Variants in CHST12 observed in about 807,000 individuals in gnomAD.
The protein encoded by CHST12 is carbohydrate (chondroitin 4) sulfotransferase 12.
A neutral mutation model predicts 27.9 loss-of-function variants in CHST12; 23 were observed. The ratio of observed to expected loss-of-function variants is 0.82; its 90% CI spans 0.59 to 1.17. The LOEUF (loss-of-function observed/expected upper bound fraction) is 1.17, where lower values mean the gene tolerates loss of function less well. CHST12 is among the 50% of genes most tolerant of loss of function. The pLI is 0.00. For missense variants in CHST12, 682 were observed against 603.0 expected, an observed-to-expected ratio of 1.13 and a Z score of -1.37; for synonymous variants, 322 against 273.0, an observed-to-expected ratio of 1.18 and a Z score of -1.77.
At chr7:2,406,631 A>T (rs1193525046) in intron 1 of CHST12, among the ~76,000 whole-genome samples, 1 of 152,050 alleles carries the variant, frequency 6.6e-6, no homozygotes, top group Non-Finnish European at 1.5e-5. Flanking sequence ...AGACAGGAGG[A>T]TGGATGTGTC....
At chr7:2,420,459 T>C (rs1017426128) in intron 1 of CHST12, among the ~76,000 whole-genome samples, 1 of 152,216 alleles carries the variant, frequency 6.6e-6, no homozygotes, top group Non-Finnish European at 1.5e-5. Context: ...ACCTTTTGGC[T>C]ATTGTGAATG....
chr7:2,414,041 T>G (rs1169259749), intron 1 of CHST12, among the ~76,000 whole-genome samples: 1 of 152,148 alleles, frequency 6.6e-6, no homozygotes, highest in African/African-American at 2.4e-5. Flanking sequence ...TTATCTCATT[T>G]TAATTTGCAT....
At chr7:2,407,906 C>G (rs1781564033) in intron 1 of CHST12, among the ~76,000 whole-genome samples, 1 of 151,948 alleles carries the variant, frequency 6.6e-6, no homozygotes, top group African/African-American at 2.4e-5. Flanking sequence ...CCAGCCTGGG[C>G]AATAGAATGA....
At chr7:2,431,304 A>T (rs1025418216) in intron 1 of CHST12, among the ~76,000 whole-genome samples, 4 of 151,958 alleles carry the variant, frequency 2.6e-5, no homozygotes, top group African/African-American at 7.3e-5. Flanking sequence ...TAAGATAGCC[A>T]CTCCTGCTTT....
chr7:2,408,478 C>T (rs1283036723), intron 1 of CHST12, among the ~76,000 whole-genome samples: 2 of 151,642 alleles, frequency 1.3e-5, no homozygotes, highest in African/African-American at 4.8e-5. Flanking sequence ...TAGGTCATCA[C>T]AGGTCAAGAG....
At chr7:2,403,909 G>A (rs1781451131) in intron 1 of CHST12, among the ~76,000 whole-genome samples, 2 of 152,128 alleles carry the variant, frequency 1.3e-5, no homozygotes, top group Non-Finnish European at 1.5e-5. Context: ...TCCTCGGCCA[G>A]GGGGACCCAG....
intron 1 of CHST12, among the ~76,000 whole-genome samples, chr7:2,430,430 C>T (rs968119612): frequency 2.0e-5 from 3 of 152,286 alleles, no homozygotes; most frequent in African/African-American, 4.8e-5. Flanking sequence ...ATTCTCCTGC[C>T]TCAGTCTCCT....
chr7:2,425,884 A>G (rs113796343), intron 1 of CHST12, among the ~76,000 whole-genome samples: 2 of 151,842 alleles, frequency 1.3e-5, no homozygotes, highest in African/African-American at 4.8e-5. Flanking sequence ...ATCTTTCTGA[A>G]TGCAGATTCT....
rs756975329 is a variant in CHST12, at chr7:2,433,551, C to G, written c.912C>G (p.Ile304Met). 5 of 1,613,422 alleles carry G rather than the reference C, an allele frequency of 3.1e-6. No homozygotes were observed. The highest frequency in any genetic ancestry group is 4.2e-6 in the Non-Finnish European group (5 of 1,179,980). The change falls in exon 2 of 2, where the codon ATC becomes ATG. Residue 304 changes from isoleucine (I) to methionine (M), a missense_variant. Physicochemically the swap from Ile to Met is conservative, Grantham distance 10. Coordinates refer to ENST00000618655, the MANE Select transcript of CHST12 (RefSeq NM_018641.5). The surrounding 1 kb of genome is among the most constrained non-coding windows in gnomAD (Gnocchi z 6.1). ...AGLKVSFANF[I>M]QYLLDPHTEK... Reference sequence around the variant, plus strand: ...TCAAGGTGTCCTTCGCCAACTTCATCCAGTACCTGCTGGACCCGCACACGG... The same window carrying G: ...TCAAGGTGTCCTTCGCCAACTTCATGCAGTACCTGCTGGACCCGCACACGG...
intron 1 of CHST12, among the ~76,000 whole-genome samples, chr7:2,415,925 A>G (rs943575575): frequency 2.0e-5 from 3 of 152,136 alleles, no homozygotes; most frequent in East Asian, 1.9e-4. Flanking sequence ...GCAATTTCTT[A>G]AGACAACAAT....
At position 2,444,576 on chromosome 7, in the gene CHST12, C is replaced by T. The variant is rs1363086689; in HGVS notation, c.*10692C>T. The T allele has an allele frequency of 6.6e-6, 1 of 152,360 alleles. No homozygotes were observed. Among genetic ancestry groups the T allele is most frequent in the Non-Finnish European group, 1.5e-5 (1 of 68,126 alleles). The allele number at this position is 152,360 out of a possible 1,614,324, so 9.4% of individuals were successfully genotyped here. A position where few individuals can be genotyped will look rare whatever the true frequency, so the allele number is the denominator to read the frequency against. ...TCTGTGGCACTGGCCTCAGCCAGCA[C>T]CAAGGCTGAAAGAGCCCATTCAGAG... On this transcript the variant is annotated 3_prime_UTR_variant, in exon 2 of 2. Transcript: ENST00000618655.
rs1054296869 is a variant in CHST12 at position 2,432,730 on chromosome 7, G to A, written c.91G>A (p.Ala31Thr). The A allele has an allele frequency of 4.3e-6, 7 of 1,613,970 alleles. No homozygotes were observed. The highest frequency in any genetic ancestry group is 1.1e-5 in the South Asian group (1 of 91,076). Reference sequence around the variant, plus strand: ...CATCGTGTACTGGGACAGCGCAGGCGCCGCGCACTTCTACTTGCACACGTC... The same window carrying A: ...CATCGTGTACTGGGACAGCGCAGGCACCGCGCACTTCTACTTGCACACGTC... The part of the protein sequence containing the change: ...LIIVYWDSAG[A>T]AHFYLHTSFS... Residue 31 changes from alanine to threonine, a missense_variant, in exon 2 of 2, where the codon GCC becomes ACC. Ala to Thr is a moderately conservative substitution (Grantham distance 58). Transcript: ENST00000618655.
Position 2,447,117 on chromosome 7 carries a change from C to A in CHST12, c.*13233C>A, listed in dbSNP as rs1782775677. The A allele has an allele frequency of 1.3e-5, 2 of 152,490 alleles. No homozygotes were observed. The highest frequency in any genetic ancestry group is 4.1e-4 in the South Asian group (2 of 4,836). 9.4% of individuals were successfully genotyped at this position (152,490 alleles called of 1,614,324 possible). On this transcript the variant is annotated 3_prime_UTR_variant, in exon 2 of 2. Coordinates refer to ENST00000618655, the MANE Select transcript of CHST12 (RefSeq NM_018641.5). ...CCAGGGACCAGCAGCACGAAAGGCA[C>A]ACTGAGGCACACTGGCAGGCCTGGG...
At chr7:2,414,025 G>A (rs887903492) in intron 1 of CHST12, among the ~76,000 whole-genome samples, 4 of 151,826 alleles carry the variant, frequency 2.6e-5, no homozygotes, top group Non-Finnish European at 5.9e-5. Context: ...CACCACGCCC[G>A]GCCAGTTATC....
chr7:2,408,739 T>C (rs139424655), intron 1 of CHST12, among the ~76,000 whole-genome samples: 1 of 152,286 alleles, frequency 6.6e-6, no homozygotes, highest in East Asian at 1.9e-4. Context: ...TTGGCAGATG[T>C]AGTCTCCCCA....
chr7:2,419,759 G>A (rs1562513627), intron 1 of CHST12, among the ~76,000 whole-genome samples: 1 of 150,610 alleles, frequency 6.6e-6, no homozygotes, highest in Non-Finnish European at 1.5e-5. Context: ...CATGCAGTTT[G>A]GTGGTGTTAA....
chr7:2,433,486 A>C lies in CHST12; in HGVS notation c.847A>C (p.Ser283Arg). The stretch of plus-strand genomic sequence containing the variant: ...GCTGCGGCTGTACGCCAACCACACC[A>C]GCCTGCCCGCCTCGGCGCGCGAGGC... ...PMLRLYANHT[S>R]LPASAREAFR... The change falls in exon 2 of 2, where the codon AGC becomes CGC. Residue 283 changes from serine to arginine, a missense_variant. Physicochemically the swap from Ser to Arg is moderately radical, Grantham distance 110. Coordinates refer to ENST00000618655, the MANE Select transcript of CHST12 (RefSeq NM_018641.5). This position sits in a 1 kb window ranked among gnomAD's most constrained non-coding sequence, Gnocchi z 6.1. The C allele has an allele frequency of 6.2e-7, 1 of 1,611,610 alleles. No homozygotes were observed. Among genetic ancestry groups the C allele is most frequent in the East Asian group, 2.2e-5 (1 of 44,868 alleles).
intron 1 of CHST12, among the ~76,000 whole-genome samples, chr7:2,422,074 T>TACAGAATTCGTGGA (rs1781988435): frequency 6.6e-6 from 1 of 152,128 alleles, no homozygotes; most frequent in South Asian, 2.1e-4. Flanking sequence ...AGTTCTTAGG[T>TACAGAATTCGTGGA]ACAGAATTCG....
At chr7:2,431,534 C>A (rs952619881) in intron 1 of CHST12, among the ~76,000 whole-genome samples, 4 of 152,208 alleles carry the variant, frequency 2.6e-5, no homozygotes, top group African/African-American at 9.7e-5. Flanking sequence ...CATCTCCTTC[C>A]ACCTTGTGGA....
Sources: allele counts gnomAD v4.1 joint callset (sites outside exome capture counted in the v4.1 genomes callset), GRCh38; gene constraint gnomAD v4.1.1; non-coding constraint Gnocchi (gnomAD v3.1); transcripts MANE v1.5; gene names NCBI Gene and HGNC (gene_info 2026-07-23, HGNC 2026-07-21).